VMP1: variants seen among roughly 807,000 people sequenced by gnomAD.
VMP1 encodes the protein vacuole membrane protein 1, also known as ectopic P-granules autophagy protein 3 homolog.
Under a neutral mutation model 56.0 loss-of-function variants are expected in VMP1, and 11 were observed. The observed-to-expected ratio is 0.20, with a 90% CI of 0.12 to 0.32. The LOEUF is 0.32. VMP1 is among the 10% of genes least tolerant of loss of function. The pLI is 1.00. For synonymous variants in VMP1, 149 were observed against 165.0 expected (o/e 0.90, Z 0.74); for missense variants, 296 against 490.3 (o/e 0.60, Z 3.74).
chr17:59,836,211 T>TTTTTTA (rs1479501164), intron 10 of VMP1, among the ~76,000 whole-genome samples: 2 of 151,560 alleles, frequency 1.3e-5, no homozygotes, highest in South Asian at 2.1e-4. Context: ...TTTTTTTTAT[T>TTTTTTA]TTTTTATTTT....
chr17:59,743,520 T>A (rs959945163), intron 5 of VMP1, among the ~76,000 whole-genome samples: 3 of 151,706 alleles, frequency 2.0e-5, no homozygotes, highest in Non-Finnish European at 4.4e-5. Flanking sequence ...CTGAAGGATA[T>A]CTTGTTTGTT....
chr17:59,765,221 C>A, intron 6 of VMP1, 83 bp downstream of exon 6: 1 of 1,425,654 alleles, frequency 7.0e-7, no homozygotes. Context: ...GGAATCTAAA[C>A]ATATTCCTTG....
intron 9 of VMP1, among the ~76,000 whole-genome samples, chr17:59,816,341 G>A (rs985421853): frequency 5.3e-5 from 8 of 152,162 alleles, no homozygotes; most frequent in African/African-American, 1.9e-4. Context: ...ACTGGTTTTT[G>A]GTATAGACCC....
rs2039172692 is a variant in VMP1, at chr17:59,842,049, C to T, written c.*2138C>T. The T allele has an allele frequency of 6.6e-6, 1 of 152,264 alleles. No homozygotes were observed. Among genetic ancestry groups the T allele is most frequent in the African/African-American group, 2.4e-5 (1 of 41,550 alleles). The allele number at this position is 152,264 out of a possible 1,614,324, so 9.4% of individuals were successfully genotyped here. A position where few individuals can be genotyped will look rare whatever the true frequency, so the allele number is the denominator to read the frequency against. ...ATGCTCAGAGGTTCCTGCTGGATTC[C>T]AGCTGGAGCGGTGTGATACCCTTCT... On this transcript the variant is annotated 3_prime_UTR_variant, in exon 12 of 12. Transcript: ENST00000262291.
chr17:59,824,006 G>A (rs2038546875), intron 10 of VMP1, among the ~76,000 whole-genome samples: 1 of 152,150 alleles, frequency 6.6e-6, no homozygotes, highest in African/African-American at 2.4e-5. Flanking sequence ...GCTCACGCCT[G>A]TAATCCCGGC....
At chr17:59,823,674 C>G (rs896807654) in intron 10 of VMP1, among the ~76,000 whole-genome samples, 2 of 151,796 alleles carry the variant, frequency 1.3e-5, no homozygotes, top group Non-Finnish European at 2.9e-5. Context: ...TGACGTGAAC[C>G]CGGGAGGCGG....
intron 5 of VMP1, among the ~76,000 whole-genome samples, chr17:59,761,470 G>A (rs8064505): frequency 0.14 from 20,698 of 152,056 alleles, 1,680 homozygotes; most frequent in Middle Eastern, 0.24. Context: ...AGGGTGAAGG[G>A]GACAATTAAG....
At chr17:59,796,792 T>G (rs1265603898) in intron 7 of VMP1, among the ~76,000 whole-genome samples, 1 of 152,208 alleles carries the variant, frequency 6.6e-6, no homozygotes, top group Non-Finnish European at 1.5e-5. Context: ...TCATTTAGAT[T>G]TTTTTCAATT....
intron 3 of VMP1, 81 bp downstream of exon 3, chr17:59,735,554 C>A: frequency 7.0e-7 from 1 of 1,434,242 alleles, no homozygotes. Context: ...TTACTTTCTG[C>A]CCTCTACTCC....
chr17:59,724,804 AAAT>A (rs2034534154), intron 1 of VMP1, among the ~76,000 whole-genome samples: 1 of 151,942 alleles, frequency 6.6e-6, no homozygotes, highest in Non-Finnish European at 1.5e-5. Context: ...TCTCTACTAA[AAAT>A]ACAAAAAAAT....
chr17:59,783,837 G>A (rs937645261), intron 7 of VMP1, among the ~76,000 whole-genome samples: 1 of 151,956 alleles, frequency 6.6e-6, no homozygotes, highest in Non-Finnish European at 1.5e-5. Context: ...CTCTTTACTA[G>A]TTTTTTATCC....
At chr17:59,709,356 G>C (rs2033817368) in intron 1 of VMP1, among the ~76,000 whole-genome samples, 1 of 152,044 alleles carries the variant, frequency 6.6e-6, no homozygotes, top group Non-Finnish European at 1.5e-5. Flanking sequence ...TAGGATTTTG[G>C]TAACTATTAA....
Position 59,773,804 on chromosome 17 carries a change from A to C in VMP1, c.633A>C (p.Ala211=), listed in dbSNP as rs776199218. 1 of 1,613,718 alleles carries C rather than the reference A, an allele frequency of 6.2e-7. No individual in the cohort carries two copies. Among genetic ancestry groups the C allele is most frequent in the African/African-American group, 1.3e-5 (1 of 74,888 alleles). Reference sequence around the variant, plus strand: ...TGCCTCCATATTTCATGGCCAGAGCAGCTCGCCTCTCAGGTGCTGAACCAG... The same window carrying C: ...TGCCTCCATATTTCATGGCCAGAGCCGCTCGCCTCTCAGGTGCTGAACCAG... ...GELPPYFMAR[A]ARLSGAEPDD... The change falls in exon 7 of 12, where the codon GCA becomes GCC. Residue 211 remains alanine (A), a synonymous_variant. Coordinates refer to ENST00000262291, the MANE Select transcript of VMP1 (RefSeq NM_030938.5).
At chr17:59,760,192 G>A (rs545096813) in intron 5 of VMP1, among the ~76,000 whole-genome samples, 5 of 151,402 alleles carry the variant, frequency 3.3e-5, no homozygotes, top group Non-Finnish European at 7.4e-5. Context: ...AACTTACAGG[G>A]TGAACAATGA....
chr17:59,801,112 A>ATATATGTGTG (rs1296238370), intron 7 of VMP1, among the ~76,000 whole-genome samples: 3 of 110,326 alleles, frequency 2.7e-5, no homozygotes, highest in African/African-American at 1.3e-4. Flanking sequence ...ATATATATAT[A>ATATATGTGTG]TGTGTGTGTG....
rs1376186740 is a variant in VMP1 at position 59,765,105 on chromosome 17, C to T, written c.549C>T (p.Ile183=). ...AAGGAACCATTTCTTTGTGGAGTAT[C>T]ATCTCAAAAGTTAGGATTGAAGCCT... ...GTEGTISLWS[I]ISKVRIEACM... Residue 183 remains isoleucine, a synonymous_variant, in exon 6 of 12, where the codon ATC becomes ATT. Coordinates refer to ENST00000262291, the MANE Select transcript of VMP1 (RefSeq NM_030938.5). 6.2e-7 allele frequency: 1 copy of T among 1,613,972 alleles called. No homozygotes were observed. Among genetic ancestry groups the T allele is most frequent in the Middle Eastern group, 1.6e-4 (1 of 6,062 alleles).
chr17:59,718,519 CTCTTAACACGG>C (rs1271227513), intron 1 of VMP1, among the ~76,000 whole-genome samples: 4 of 150,298 alleles, frequency 2.7e-5, no homozygotes, highest in Non-Finnish European at 5.9e-5. Flanking sequence ...CTTTTCCTTT[CTCTTAACACGG>C]TCTTACTCTG....
At chr17:59,717,348 A>C (rs1598281966) in intron 1 of VMP1, among the ~76,000 whole-genome samples, 2 of 152,290 alleles carry the variant, frequency 1.3e-5, no homozygotes, top group Non-Finnish European at 2.9e-5. Context: ...TTAGAAGTAG[A>C]TTAAGAGAAA....
intron 7 of VMP1, among the ~76,000 whole-genome samples, chr17:59,779,520 C>T (rs774701052): frequency 5.3e-5 from 8 of 152,162 alleles, no homozygotes; most frequent in African/African-American, 9.7e-5. Context: ...CTCACCTGTA[C>T]GCTCTCAGGT....
Sources: gnomAD v4.1 joint callset for allele counts (sites outside exome capture counted in the v4.1 genomes callset) on GRCh38, gnomAD v4.1.1 for gene constraint, MANE v1.5 for transcripts, NCBI Gene and HGNC (gene_info 2026-07-23, HGNC 2026-07-21) for gene names.